The following PNMA6E variants were observed in gnomAD, a reference collection of about 807,000 sequenced individuals.
PNMA6E encodes paraneoplastic antigen Ma6E.
For missense variants in PNMA6E, 78 were observed against 50.8 expected, an observed-to-expected ratio of 1.53 and a Z score of -1.63; for synonymous variants, 43 against 17.1, an observed-to-expected ratio of 2.52 and a Z score of -3.74.
chrX:153,407,668 G>A, the PNMA6E span, among the ~76,000 whole-genome samples: 5 of 111,259 alleles, frequency 4.5e-5, no homozygotes, highest in Admixed American at 3.8e-4. Flanking sequence ...CACCATGCCC[G>A]GCTAGAAGCC....
chrX:153,409,084 C>T, the PNMA6E span, among the ~76,000 whole-genome samples: 3 of 112,944 alleles, frequency 2.7e-5, no homozygotes, highest in African/African-American at 9.6e-5. Context: ...CGGGTGCCCA[C>T]GGCACAGTGG....
At chrX:153,410,331 T>C in the PNMA6E span, among the ~76,000 whole-genome samples, 1 of 111,817 alleles carries the variant, frequency 8.9e-6, no homozygotes, top group African/African-American at 3.3e-5. Context: ...GCCTGGGTGT[T>C]AAGATATGGA....
chrX:153,402,664 T>A (rs1275009030), upstream of PNMA6E, among the ~76,000 whole-genome samples: 1 of 112,630 alleles, frequency 8.9e-6, no homozygotes, highest in African/African-American at 3.2e-5. Context: ...GATCGAGATT[T>A]CCTTCTTTTC....
In PNMA6E at chrX:153,398,215, C is replaced by T. The variant is rs1457112532; in HGVS notation, c.635G>A (p.Gly212Asp). ...TGCCTCACCTGCGCCTCCTGCCTCA[C>T]CTGCTGCTCCTGCCTCACCTACACC... ...AGGVGEAGAA[G>D]EAGGAGEAGG... is the part of the protein sequence containing the mutation. The change falls in exon 2 of 2, where the codon GGT (glycine) becomes GAT (aspartate). Residue 212 changes from glycine (G) to aspartate (D), a missense_variant. Physicochemically the swap from Gly to Asp is moderately conservative, Grantham distance 94. Transcript: ENST00000445091. The T allele has an allele frequency of 1.2e-5, 5 of 421,633 alleles. No individual in the cohort carries two copies. In the African/African-American group the frequency reaches 1.4e-4, roughly 11 times the overall value. The allele number at this position is 421,633 out of a possible 1,213,427, so 34.7% of individuals were successfully genotyped here. A position where few individuals can be genotyped will look rare whatever the true frequency, so the allele number is the denominator to read the frequency against.
the PNMA6E span, among the ~76,000 whole-genome samples, chrX:153,408,620 A>G: frequency 8.9e-6 from 1 of 111,855 alleles, no homozygotes; most frequent in Non-Finnish European, 1.9e-5. Flanking sequence ...CAGCCTGGAC[A>G]TCCCCTCCCC....
chrX:153,412,612 G>A, the PNMA6E span, among the ~76,000 whole-genome samples: 3 of 112,009 alleles, frequency 2.7e-5, no homozygotes, highest in Admixed American at 2.8e-4. Context: ...AAAAGAGCGA[G>A]GCATGTGGTT....
At chrX:153,410,733 C>T in the PNMA6E span, among the ~76,000 whole-genome samples, 2 of 113,169 alleles carry the variant, frequency 1.8e-5, no homozygotes, top group South Asian at 3.6e-4. Context: ...AGGCTCCCGC[C>T]TCGTGCTCAG....
chrX:153,410,795 C>G, the PNMA6E span, among the ~76,000 whole-genome samples: 1 of 112,698 alleles, frequency 8.9e-6, no homozygotes, highest in Non-Finnish European at 1.9e-5. Context: ...TTCCCTGTTG[C>G]TTTTCTTTTA....
Position 153,398,268 on chromosome X carries a change from A to T in PNMA6E, c.582T>A (p.Gly194=), listed in dbSNP as rs1405755760. 2.3e-6 allele frequency: 1 copy of T among 432,663 alleles called. No homozygotes were observed. The highest frequency in any genetic ancestry group is 4.0e-6 in the Non-Finnish European group (1 of 251,276). The allele number at this position is 432,663 out of a possible 1,213,427, so 35.7% of individuals were successfully genotyped here. A position where few individuals can be genotyped will look rare whatever the true frequency, so the allele number is the denominator to read the frequency against. Residue 194 remains glycine, a synonymous_variant, in exon 2 of 2, where the codon GGT becomes GGA. Transcript: ENST00000445091. The part of the protein sequence containing the change: ...AGAAGEGGAA[G]EAGGAGEAGG... ...CTGCCTCACCTGCGCCTCCTGCCTCACCTGCTGCTCCTCCCTCACCTGCTG... is the reference window on the plus strand; with the variant it reads ...CTGCCTCACCTGCGCCTCCTGCCTCTCCTGCTGCTCCTCCCTCACCTGCTG...
At chrX:153,402,891 T>C (rs1351591317), upstream of PNMA6E, among the ~76,000 whole-genome samples, 3 of 112,874 alleles carry the variant, frequency 2.7e-5, no homozygotes, top group African/African-American at 9.6e-5. Flanking sequence ...CCATTACTTC[T>C]GATGAGAATT....
At position 153,397,499 on chromosome X, in the gene PNMA6E, G is replaced by A. The variant is rs1602871688; in HGVS notation, c.1351C>T (p.Arg451Ter). Reference protein sequence around the residue: ...AVCPALANYLRLQQVLSWARP... With the variant: ...AVCPALANYL The stretch of plus-strand genomic sequence containing the variant: ...GCCCAAGACAGCACCTGCTGTAGTC[G>A]CAGGTAATTGGCCAAGGCTGGGCAG... Residue 451 changes from arginine to a stop codon, truncating the protein, a stop_gained, in exon 2 of 2, where the codon CGA (arginine) becomes TGA (stop). Coordinates refer to ENST00000445091, the MANE Select transcript of PNMA6E (RefSeq NM_001367770.1). LOFTEE classifies it low-confidence loss of function (END_TRUNC). The A allele has an allele frequency of 6.7e-6, 2 of 298,454 alleles. No homozygotes were observed. The highest frequency in any genetic ancestry group is 6.0e-5 in the Admixed American group (1 of 16,653). 24.6% of individuals were successfully genotyped at this position (298,454 alleles called of 1,213,427 possible).
chrX:153,407,234 C>G, the PNMA6E span, among the ~76,000 whole-genome samples: 1 of 112,466 alleles, frequency 8.9e-6, no homozygotes, highest in South Asian at 3.7e-4. Flanking sequence ...GAAGTCTTGG[C>G]AAGGCTGGGT....
At chrX:153,401,081 G>A (rs782030962) in intron 1 of PNMA6E, among the ~76,000 whole-genome samples, 163 bp downstream of exon 1, 2 of 105,105 alleles carry the variant, frequency 1.9e-5, no homozygotes, top group African/African-American at 7.0e-5. Context: ...CACCTAAACC[G>A]GGCCAGGCGG....
rs1449113351 is a variant in PNMA6E, at chrX:153,401,296, G to A, written c.-124C>T. On this transcript the variant is annotated 5_prime_UTR_variant, in exon 1 of 2. Transcript: ENST00000445091. ...CTCTCAGTGGGAAGTCAGATATCTG[G>A]GTCTCTCCGAAGGGTCTGAAGAGAT... is the stretch of plus-strand genomic sequence containing the variant. The A allele has an allele frequency of 9.0e-6, 1 of 111,277 alleles. No homozygotes were observed. The highest frequency in any genetic ancestry group is 9.4e-5 in the Admixed American group (1 of 10,587). The allele number at this position is 111,277 out of a possible 1,213,427, so 9.2% of individuals were successfully genotyped here.
the PNMA6E span, among the ~76,000 whole-genome samples, chrX:153,410,935 T>A: frequency 1.2e-4 from 13 of 111,844 alleles, 1 homozygote; most frequent in African/African-American, 4.2e-4. Flanking sequence ...AATGACAAAC[T>A]CCAGGTGCGA....
rs1424667169 is a variant in PNMA6E, at chrX:153,397,198, C to T, written c.1652G>A (p.Arg551Lys). The change falls in exon 2 of 2, where the codon AGG becomes AAG. Residue 551 changes from arginine to lysine, a missense_variant. Arg to Lys is a conservative substitution (Grantham distance 26, BLOSUM62 2). Coordinates refer to ENST00000445091, the MANE Select transcript of PNMA6E (RefSeq NM_001367770.1). ...EAASATKEAA[R>K]GAPAAGEGES... Reference sequence around the variant, plus strand: ...ACCTTCCCCAGCGGCAGGGGCTCCCCTTGCAGCCTCTTTGGTGGCAGAAGC... The same window carrying T: ...ACCTTCCCCAGCGGCAGGGGCTCCCTTTGCAGCCTCTTTGGTGGCAGAAGC... The T allele has an allele frequency of 1.3e-5, 4 of 297,007 alleles. No homozygotes were observed. Among genetic ancestry groups the T allele is most frequent in the Non-Finnish European group, 1.8e-5 (3 of 170,204 alleles). 24.5% of individuals were successfully genotyped at this position (297,007 alleles called of 1,213,427 possible).
At position 153,398,673 on chromosome X, in the gene PNMA6E, C is replaced by A; in HGVS notation, c.177G>T (p.Glu59Asp). The A allele has an allele frequency of 3.0e-6, 1 of 329,439 alleles. No homozygotes were observed. The allele number at this position is 329,439 out of a possible 1,213,427, so 27.1% of individuals were successfully genotyped here. A position where few individuals can be genotyped will look rare whatever the true frequency, so the allele number is the denominator to read the frequency against. ...YRVLTKHFRK[E>D]LGAKAALVEF... is the part of the protein sequence containing the mutation. ...CCACCAAGGCTGCCTTGGCCCCGAG[C>A]TCCTTTCTGAAGTGCTTGGTGAGTA... The change falls in exon 2 of 2, where the codon GAG becomes GAT. Residue 59 changes from glutamate to aspartate, a missense_variant. Physicochemically the swap from Glu to Asp is conservative, Grantham distance 45. Coordinates refer to ENST00000445091, the MANE Select transcript of PNMA6E (RefSeq NM_001367770.1).
chrX:153,411,287 C>T, the PNMA6E span, among the ~76,000 whole-genome samples: 2 of 113,004 alleles, frequency 1.8e-5, no homozygotes, highest in South Asian at 7.2e-4. Context: ...GGTGCGCTGA[C>T]CACTTCGACC....
chrX:153,404,497 T>TGTG (rs1253384443), upstream of PNMA6E, among the ~76,000 whole-genome samples: 3 of 110,781 alleles, frequency 2.7e-5, no homozygotes, highest in Middle Eastern at 4.7e-3. Flanking sequence ...TTATTGTTGT[T>TGTG]GTGGTGGTGG....
Sources: gnomAD v4.1 joint callset for allele counts (sites outside exome capture counted in the v4.1 genomes callset) on GRCh38, gnomAD v4.1.1 for gene constraint, MANE v1.5 for transcripts, NCBI Gene and HGNC (gene_info 2026-07-23, HGNC 2026-07-21) for gene names.